The following APBB2 variants were observed in gnomAD, a reference collection of about 807,000 sequenced individuals.
The protein encoded by APBB2 is amyloid beta precursor protein binding family B member 2.
In APBB2, 38 loss-of-function variants were observed where a neutral mutation model predicts 82.5. The ratio of observed to expected loss-of-function variants is 0.46; its 90% CI spans 0.36 to 0.60. APBB2 has a LOEUF of 0.60. Among genes scored for constraint, APBB2 ranks in the 20% least tolerant of loss-of-function variants. The pLI, the probability that APBB2 is intolerant of heterozygous loss-of-function variation, is 0.00. For missense variants in APBB2, 772 were observed against 972.3 expected (o/e 0.79, Z 2.74); for synonymous variants, 341 against 368.2 (o/e 0.93, Z 0.85).
intron 6 of APBB2, among the ~76,000 whole-genome samples, chr4:40,961,672 A>AC (rs1793309294): frequency 6.4e-5 from 1 of 15,590 alleles, no homozygotes; most frequent in Non-Finnish European, 1.4e-4. Context: ...AGATGTAAAA[A>AC]AAAAAAAAAA....
intron 2 of APBB2, among the ~76,000 whole-genome samples, chr4:41,134,138 T>C (rs78461381): frequency 6.6e-6 from 1 of 151,440 alleles, no homozygotes; most frequent in Non-Finnish European, 1.5e-5. Context: ...ACCTGGCTAA[T>C]TTTTTTTTAA....
chr4:40,991,140 G>A (rs1002534865), intron 6 of APBB2, among the ~76,000 whole-genome samples: 28 of 148,046 alleles, frequency 1.9e-4, no homozygotes, highest in African/African-American at 6.2e-4. Context: ...GTGCCACTAC[G>A]CATGGCTAAT....
chr4:41,129,747 A>G (rs1295261120), intron 2 of APBB2, among the ~76,000 whole-genome samples: 2 of 152,108 alleles, frequency 1.3e-5, no homozygotes. Context: ...ACAGGGATGT[A>G]TCAGTGAACA....
At chr4:40,897,595 A>AT (rs1357307448) in intron 10 of APBB2, among the ~76,000 whole-genome samples, 1 of 152,122 alleles carries the variant, frequency 6.6e-6, no homozygotes, top group African/African-American at 2.4e-5. Flanking sequence ...ATTTAAAATC[A>AT]TTTTTCTTGG....
intron 6 of APBB2, among the ~76,000 whole-genome samples, chr4:40,954,167 G>C (rs1790961496): frequency 6.6e-6 from 1 of 152,188 alleles, no homozygotes; most frequent in Non-Finnish European, 1.5e-5. Context: ...AGAAATCCAA[G>C]GGTCAAATGA....
At chr4:40,971,720 A>G (rs746506382) in intron 6 of APBB2, among the ~76,000 whole-genome samples, 7 of 152,222 alleles carry the variant, frequency 4.6e-5, no homozygotes, top group Admixed American at 6.5e-5. Flanking sequence ...AAAGTAGAGA[A>G]AGAAAACCTA....
intron 12 of APBB2, chr4:40,856,929 G>C: frequency 1.0e-6 from 1 of 982,678 alleles, no homozygotes; most frequent in African/African-American, 1.7e-5. Flanking sequence ...TCCCGCGCCC[G>C]CCTCGCTGTC....
intron 12 of APBB2, among the ~76,000 whole-genome samples, chr4:40,850,863 T>G (rs1415344724): frequency 6.6e-6 from 1 of 152,138 alleles, no homozygotes; most frequent in Admixed American, 6.5e-5. Context: ...GAGAACTGCT[T>G]GAGCCCAGGA....
intron 16 of APBB2, chr4:40,822,259 C>T: frequency 1.7e-6 from 1 of 578,076 alleles, no homozygotes; most frequent in Non-Finnish European, 3.1e-6. Flanking sequence ...TTGCTCTGAA[C>T]TACACTGCTG....
intron 10 of APBB2, among the ~76,000 whole-genome samples, chr4:40,914,603 T>C (rs957072276): frequency 2.0e-5 from 3 of 151,964 alleles, no homozygotes; most frequent in Non-Finnish European, 2.9e-5. Context: ...GATAAACAAA[T>C]AAATGGAAAC....
chr4:40,894,701 T>C lies in APBB2; in HGVS notation c.1255-1290A>G, dbSNP rs1002541714. Among the ~76,000 whole-genome samples the C allele has an allele frequency of 1.2e-4, 18 of 152,366 alleles. No individual in the cohort carries two copies. The East Asian group carries it at 3.5e-3, about 29-fold the overall frequency. ...AGAGATATTTTGTTTGAGATCATACTTCTTTTTTAAGGTTCTGTAATTCAA... is the reference window on the plus strand; with the variant it reads ...AGAGATATTTTGTTTGAGATCATACCTCTTTTTTAAGGTTCTGTAATTCAA... On this transcript the variant is annotated intron_variant, in intron 10 of 17. Coordinates refer to ENST00000508593, the MANE Select transcript of APBB2 (RefSeq NM_004307.2).
intron 3 of APBB2, among the ~76,000 whole-genome samples, chr4:41,093,094 A>C (rs920707947): frequency 6.6e-5 from 10 of 152,280 alleles, no homozygotes; most frequent in African/African-American, 2.2e-4. Context: ...TTCCTTTCTC[A>C]CAGCTCAGTT....
chr4:40,934,734 G>C (rs1033263003), intron 8 of APBB2, 35 bp from the exon 9 acceptor site: 8 of 1,465,308 alleles, frequency 5.5e-6, no homozygotes, highest in Admixed American at 3.4e-5. Context: ...ATGTACAATG[G>C]GGGAGAAGAC....
chr4:41,142,372 T>C (rs1759491614), intron 2 of APBB2, among the ~76,000 whole-genome samples: 1 of 151,334 alleles, frequency 6.6e-6, no homozygotes, highest in Non-Finnish European at 1.5e-5. Flanking sequence ...TAAACACCTA[T>C]GTTTTTCAGG....
rs1744117875 is a variant in APBB2, at chr4:40,810,059, T to G, written c.*6033A>C. ...TGAATTTAAAGTTTTATTTTTGCAA[T>G]TCAGTTGTATAGAAATGTTACATAA... On this transcript the variant is annotated 3_prime_UTR_variant, in exon 18 of 18. Coordinates refer to ENST00000508593, the MANE Select transcript of APBB2 (RefSeq NM_004307.2). 6.6e-6 allele frequency: 1 copy of G among 152,202 alleles called. No homozygotes were observed. Among genetic ancestry groups the G allele is most frequent in the Admixed American group, 6.5e-5 (1 of 15,276 alleles). 9.4% of individuals were successfully genotyped at this position (152,202 alleles called of 1,614,324 possible).
At chr4:41,179,931 C>G (rs1438303005) in intron 1 of APBB2, among the ~76,000 whole-genome samples, 1 of 152,216 alleles carries the variant, frequency 6.6e-6, no homozygotes, top group Non-Finnish European at 1.5e-5. Context: ...TCAGGGAAAG[C>G]AAACAAAATG....
chr4:40,883,437 A>G (rs547319480), intron 12 of APBB2, among the ~76,000 whole-genome samples: 1 of 152,216 alleles, frequency 6.6e-6, no homozygotes, highest in Admixed American at 6.5e-5. Context: ...AAATACAAAA[A>G]TTAGCTGGGC....
chr4:40,985,282 TA>T (rs34177316), intron 6 of APBB2, among the ~76,000 whole-genome samples: 2 of 151,044 alleles, frequency 1.3e-5, no homozygotes, highest in Non-Finnish European at 1.5e-5. Context: ...TGTCTTTTCT[TA>T]AAAAAAAATG....
chr4:40,944,829 A>G, intron 7 of APBB2, 36 bp downstream of exon 7: 1 of 1,601,742 alleles, frequency 6.2e-7, no homozygotes, highest in Non-Finnish European at 8.5e-7. Flanking sequence ...AGTTACATCT[A>G]TTCTACTAAG....
Sources: gnomAD v4.1 joint callset for allele counts (sites outside exome capture counted in the v4.1 genomes callset) on GRCh38, gnomAD v4.1.1 for gene constraint, MANE v1.5 for transcripts, NCBI Gene and HGNC (gene_info 2026-07-23, HGNC 2026-07-21) for gene names.